LSAMP: variants seen among roughly 807,000 people sequenced by gnomAD.
The protein encoded by LSAMP is limbic system associated membrane protein.
In LSAMP, 7 loss-of-function variants were observed where a neutral mutation model predicts 38.6. The ratio of observed to expected loss-of-function variants is 0.18; its 90% confidence interval spans 0.10 to 0.34. LSAMP has a LOEUF of 0.34. LSAMP is among the 10% of genes least tolerant of loss of function. The pLI is 1.00. For synonymous variants in LSAMP, 154 were observed against 166.8 expected (o/e 0.92, Z 0.59); for missense variants, 313 against 420.0 (o/e 0.75, Z 2.23).
intron 1 of LSAMP, among the ~76,000 whole-genome samples, chr3:116,113,400 C>CTATATATATATATA (rs5851991): frequency 3.4e-5 from 3 of 87,134 alleles, no homozygotes; most frequent in African/African-American, 1.3e-4. Flanking sequence ...TATGTTTGCC[C>CTATATATATATATA]TATATATATA....
At chr3:115,942,553 G>A (rs1937958458) in intron 3 of LSAMP, among the ~76,000 whole-genome samples, 1 of 152,086 alleles carries the variant, frequency 6.6e-6, no homozygotes, top group Middle Eastern at 3.2e-3. Context: ...AATTTGAACT[G>A]CAATGTTTAT....
At chr3:115,969,229 C>T (rs911031035) in intron 3 of LSAMP, among the ~76,000 whole-genome samples, 2 of 152,140 alleles carry the variant, frequency 1.3e-5, no homozygotes, top group South Asian at 2.1e-4. Flanking sequence ...GCGGAGAGGA[C>T]GATTGGTGAA....
At chr3:116,122,677 A>T (rs2107490077) in intron 1 of LSAMP, among the ~76,000 whole-genome samples, 1 of 152,338 alleles carries the variant, frequency 6.6e-6, no homozygotes, top group South Asian at 2.1e-4. Context: ...TAAATAAATG[A>T]GTTAATGAGT....
chr3:116,333,873 G>A (rs1340475648), intron 1 of LSAMP, among the ~76,000 whole-genome samples: 2 of 151,058 alleles, frequency 1.3e-5, no homozygotes, highest in African/African-American at 2.4e-5. Flanking sequence ...AAAGCTAGAA[G>A]AAAGAAGGAA....
intron 2 of LSAMP, among the ~76,000 whole-genome samples, chr3:116,083,730 G>C (rs1457187862): frequency 2.6e-5 from 4 of 152,210 alleles, no homozygotes; most frequent in Admixed American, 2.6e-4. Context: ...TAGGAAAAAG[G>C]GAGATGTCAG....
chr3:116,104,375 T>C (rs1708414972), intron 1 of LSAMP, among the ~76,000 whole-genome samples: 1 of 150,604 alleles, frequency 6.6e-6, no homozygotes, highest in Non-Finnish European at 1.5e-5. Flanking sequence ...TGTTGTTAGA[T>C]GCAACCCTGC....
At chr3:116,154,678 C>T (rs1392170003) in intron 1 of LSAMP, among the ~76,000 whole-genome samples, 1 of 152,088 alleles carries the variant, frequency 6.6e-6, no homozygotes, top group Admixed American at 6.6e-5. Flanking sequence ...CCTTCTTCTC[C>T]AAGGCCTTCA....
At chr3:116,219,953 T>C (rs1427604220) in intron 1 of LSAMP, among the ~76,000 whole-genome samples, 1 of 152,102 alleles carries the variant, frequency 6.6e-6, no homozygotes, top group Non-Finnish European at 1.5e-5. Flanking sequence ...AATGGGTGGA[T>C]CACCTGAGGT....
chr3:116,260,184 A>G (rs555531623), intron 1 of LSAMP, among the ~76,000 whole-genome samples: 6 of 152,210 alleles, frequency 3.9e-5, no homozygotes, highest in African/African-American at 1.2e-4. Context: ...TCCTTTCAAT[A>G]AGGATCCTTC....
At chr3:116,203,598 G>A (rs978844882) in intron 1 of LSAMP, among the ~76,000 whole-genome samples, 4 of 134,046 alleles carry the variant, frequency 3.0e-5, no homozygotes, top group South Asian at 2.3e-4. Context: ...CCCTTCCTGT[G>A]TCCATGTGAT....
At position 116,279,067 on chromosome 3, in the gene LSAMP, C is replaced by A. The variant is rs184697875; in HGVS notation, c.155+165810G>T. Among the ~76,000 whole-genome samples the A allele has an allele frequency of 4.6e-5, 7 of 152,236 alleles. No homozygotes were observed. The East Asian group carries it at 5.8e-4, about 13-fold the overall frequency. On this transcript the variant is annotated intron_variant, in intron 1 of 6. Transcript: ENST00000490035. ...TAACATTCTTTTTGCTAGTACTTGC[C>A]ATTTAAATAAAATTTGGACATGAAT...
At chr3:116,333,841 T>A (rs1263152913) in intron 1 of LSAMP, among the ~76,000 whole-genome samples, 3 of 151,064 alleles carry the variant, frequency 2.0e-5, no homozygotes, top group African/African-American at 7.3e-5. Flanking sequence ...ATTTTGAAAT[T>A]AAAAAAAGAC....
rs1483936417 is a variant in LSAMP, at chr3:115,861,181, CCTTCCTTCCTTCCTTCCTTCCTTCCTTT to C, written c.515-8592_515-8565del. ...TCCTTCCTTCCTTCCTTCCTTCCTT[CCTTCCTTCCTTCCTTCCTTCCTTCCTTT>C]CCTTCCTCCCTACACACCATATAGG... On this transcript the variant is annotated intron_variant, in intron 3 of 6. Transcript: ENST00000490035. 8.6e-4 allele frequency among the ~76,000 whole-genome samples: 100 copies of C among 116,724 alleles called. 1 individual carries two copies. Among genetic ancestry groups the C allele is most frequent in the African/African-American group, 3.5e-3 (94 of 26,762 alleles). The allele number at this position is 116,724 out of a possible 152,430, so 76.6% of individuals were successfully genotyped here.
At chr3:116,165,432 C>A (rs1245665399) in intron 1 of LSAMP, among the ~76,000 whole-genome samples, 1 of 152,094 alleles carries the variant, frequency 6.6e-6, no homozygotes, top group Non-Finnish European at 1.5e-5. Flanking sequence ...GACCCCCCAC[C>A]TAGTGGAGCA....
intron 3 of LSAMP, among the ~76,000 whole-genome samples, chr3:115,909,779 G>A (rs1334544512): frequency 6.6e-6 from 1 of 152,124 alleles, no homozygotes; most frequent in African/African-American, 2.4e-5. Context: ...AGTTTTGGGT[G>A]GGGAGTAGTA....
chr3:116,444,940 C>T lies in LSAMP; in HGVS notation c.92G>A (p.Ser31Asn). The change falls in exon 1 of 7, where the codon AGC becomes AAC. Residue 31 changes from serine (S) to asparagine (N), a missense_variant. Ser to Asn is a conservative substitution (Grantham distance 46, BLOSUM62 1). Transcript: ENST00000490035. ...CLLPTGLPVR[S>N]VDFNRGTDNI... ...GTCCGTGCCTCGGTTAAAATCCACGCTGCGAACAGGCAGTCCTGTGGGAAG... is the reference window on the plus strand; with the variant it reads ...GTCCGTGCCTCGGTTAAAATCCACGTTGCGAACAGGCAGTCCTGTGGGAAG... 1 of 1,614,146 alleles carries T rather than the reference C, an allele frequency of 6.2e-7. No individual in the cohort carries two copies. Among genetic ancestry groups the T allele is most frequent in the Non-Finnish European group, 8.5e-7 (1 of 1,180,044 alleles).
chr3:115,942,681 T>G (rs1641607806), intron 3 of LSAMP, among the ~76,000 whole-genome samples: 1 of 152,186 alleles, frequency 6.6e-6, no homozygotes, highest in Admixed American at 6.6e-5. Context: ...AAATGCATAT[T>G]TCCAGGTCAC....
chr3:116,433,094 A>G (rs2049303356), intron 1 of LSAMP, among the ~76,000 whole-genome samples: 1 of 152,180 alleles, frequency 6.6e-6, no homozygotes, highest in Non-Finnish European at 1.5e-5. Flanking sequence ...CAGCCCTAAC[A>G]CACATATGCT....
chr3:115,900,360 C>A (rs1936841862), intron 3 of LSAMP, among the ~76,000 whole-genome samples: 1 of 151,886 alleles, frequency 6.6e-6, no homozygotes, highest in South Asian at 2.1e-4. Context: ...ACTAAAAATA[C>A]AAATATTAGC....
Sources: allele counts gnomAD v4.1 joint callset (sites outside exome capture counted in the v4.1 genomes callset), GRCh38; gene constraint gnomAD v4.1.1; transcripts MANE v1.5; gene names NCBI Gene and HGNC (gene_info 2026-07-23, HGNC 2026-07-21).